MTMR12: variants seen among roughly 807,000 people sequenced by gnomAD.
The protein encoded by MTMR12 is myotubularin-related protein 12.
Under a neutral mutation model 96.7 loss-of-function variants are expected in MTMR12, and 33 were observed. That is an observed-to-expected ratio of 0.34 (90% CI 0.26 to 0.46). The LOEUF (loss-of-function observed/expected upper bound fraction) is 0.46. Ranked by LOEUF, MTMR12 falls within the 20% of genes least tolerant of loss-of-function variation. MTMR12 has a pLI of 1.00. For synonymous variants in MTMR12, 298 were observed against 327.2 expected, an observed-to-expected ratio of 0.91 and a Z score of 0.96; for missense variants, 721 against 896.1, an observed-to-expected ratio of 0.80 and a Z score of 2.49.
chr5:32,294,979 C>A lies in MTMR12; in HGVS notation c.81+17779G>T, dbSNP rs531951612. Among the ~76,000 whole-genome samples, 20 of 152,362 alleles carry A rather than the reference C, an allele frequency of 1.3e-4. No individual in the cohort carries two copies. In the South Asian group the frequency reaches 3.9e-3, roughly 30 times the overall value. On this transcript the variant is annotated intron_variant, in intron 1 of 15. Coordinates refer to ENST00000382142, the MANE Select transcript of MTMR12 (RefSeq NM_001040446.3). Reference sequence around the variant, plus strand: ...TCTGGTCTCACTAATAGAGTAGGGGCATAGCCAAGGTCAGACTTTTAATTT... The same window carrying A: ...TCTGGTCTCACTAATAGAGTAGGGGAATAGCCAAGGTCAGACTTTTAATTT...
chr5:32,257,009 C>T (rs976246674), intron 7 of MTMR12, among the ~76,000 whole-genome samples: 1 of 152,164 alleles, frequency 6.6e-6, no homozygotes, highest in Non-Finnish European at 1.5e-5. Context: ...CACGGCTGGA[C>T]GCAGTGGCTC....
chr5:32,278,853 G>A (rs552409450), intron 1 of MTMR12, among the ~76,000 whole-genome samples: 55 of 152,016 alleles, frequency 3.6e-4, no homozygotes, highest in African/African-American at 9.9e-4. Context: ...CGAGGTGGAC[G>A]GATCACCTGA....
At chr5:32,281,020 G>T (rs1238183645) in intron 1 of MTMR12, among the ~76,000 whole-genome samples, 1 of 151,770 alleles carries the variant, frequency 6.6e-6, no homozygotes, top group Admixed American at 6.6e-5. Flanking sequence ...GGCTGAGGTG[G>T]GTGGATCACT....
At chr5:32,308,422 A>C (rs938635957) in intron 1 of MTMR12, among the ~76,000 whole-genome samples, 1 of 152,140 alleles carries the variant, frequency 6.6e-6, no homozygotes, top group Non-Finnish European at 1.5e-5. Context: ...AGAACAGTTC[A>C]GAAGAGTGTC....
intron 1 of MTMR12, among the ~76,000 whole-genome samples, chr5:32,294,726 A>G (rs1750861856): frequency 6.6e-6 from 1 of 152,204 alleles, no homozygotes; most frequent in Admixed American, 6.5e-5. Flanking sequence ...CTAGCATATA[A>G]TTCCTGACAA....
At chr5:32,232,226 T>C (rs919333295) in intron 15 of MTMR12, among the ~76,000 whole-genome samples, 3 of 152,184 alleles carry the variant, frequency 2.0e-5, no homozygotes, top group Non-Finnish European at 4.4e-5. Context: ...CCCTGCTTCC[T>C]CAGAGTCTCT....
intron 7 of MTMR12, among the ~76,000 whole-genome samples, chr5:32,261,538 T>G (rs1478138937): frequency 6.6e-6 from 1 of 152,102 alleles, no homozygotes; most frequent in East Asian, 1.9e-4. Context: ...CACCATCACC[T>G]CCAGCACTCC....
Position 32,285,079 on chromosome 5 carries a change from C to T in MTMR12, c.82-8337G>A, listed in dbSNP as rs141572377. On this transcript the variant is annotated intron_variant, in intron 1 of 15. Transcript: ENST00000382142. ...ATTCAATTAGAACAGAAGCATGGGC[C>T]AGGCACAGTGGCTCACGCCTGTAAT... is the stretch of plus-strand genomic sequence containing the variant. 1.8e-3 allele frequency among the ~76,000 whole-genome samples: 281 copies of T among 152,242 alleles called. 1 individual carries two copies. Among genetic ancestry groups the T allele is most frequent in the African/African-American group, 6.5e-3 (269 of 41,548 alleles).
intron 1 of MTMR12, among the ~76,000 whole-genome samples, chr5:32,286,872 C>A (rs116788904): frequency 2.3e-3 from 347 of 152,294 alleles, no homozygotes; most frequent in African/African-American, 8.1e-3. Context: ...AGTTCACATG[C>A]TCTTTTATTC....
chr5:32,290,101 G>T (rs760605655), intron 1 of MTMR12, among the ~76,000 whole-genome samples: 1 of 152,168 alleles, frequency 6.6e-6, no homozygotes, highest in East Asian at 1.9e-4. Context: ...CCTGGTACCT[G>T]GTATACAGCC....
At chr5:32,279,727 G>A (rs1019568751) in intron 1 of MTMR12, among the ~76,000 whole-genome samples, 5 of 152,222 alleles carry the variant, frequency 3.3e-5, no homozygotes, top group Non-Finnish European at 7.3e-5. Flanking sequence ...CTGGCAGGGG[G>A]GCAGGGGATG....
intron 15 of MTMR12, among the ~76,000 whole-genome samples, chr5:32,231,247 A>C (rs1747982808): frequency 1.3e-5 from 2 of 152,032 alleles, no homozygotes; most frequent in South Asian, 4.2e-4. Context: ...AATAGAAAAA[A>C]TTAGCAGGGT....
At chr5:32,247,707 T>C in intron 10 of MTMR12, 1 of 976,456 alleles carries the variant, frequency 1.0e-6, no homozygotes, top group Non-Finnish European at 1.2e-6. Flanking sequence ...CAAAAACTTT[T>C]AAAGGAAGAA....
intron 3 of MTMR12, among the ~76,000 whole-genome samples, chr5:32,273,326 C>G (rs1184618052): frequency 6.6e-6 from 1 of 152,084 alleles, no homozygotes; most frequent in Non-Finnish European, 1.5e-5. Flanking sequence ...ACTGGAGCCA[C>G]GACTACGCCA....
chr5:32,290,390 A>C (rs946419656), intron 1 of MTMR12, among the ~76,000 whole-genome samples: 1 of 152,194 alleles, frequency 6.6e-6, no homozygotes, highest in African/African-American at 2.4e-5. Context: ...GATGGGAACT[A>C]AATCCAACTA....
chr5:32,312,851 G>T lies in MTMR12; in HGVS notation c.-13C>A. 1.3e-6 allele frequency: 2 copies of T among 1,520,170 alleles called. No individual in the cohort carries two copies. Among genetic ancestry groups the T allele is most frequent in the Non-Finnish European group, 8.8e-7 (1 of 1,138,600 alleles). The allele number at this position is 1,520,170 out of a possible 1,614,324, so 94.2% of individuals were successfully genotyped here. ...CTTTCCCCAGCATACCGCCGCCCTG[G>T]GAAGCAGCGACGCGCGGACGCAGAG... is the stretch of plus-strand genomic sequence containing the variant. On this transcript the variant is annotated 5_prime_UTR_variant, in exon 1 of 16. Transcript: ENST00000382142. The surrounding 1 kb of genome is among the most constrained non-coding windows in gnomAD (Gnocchi z 5.0).
At chr5:32,300,305 C>G (rs574402230) in intron 1 of MTMR12, among the ~76,000 whole-genome samples, 3 of 152,108 alleles carry the variant, frequency 2.0e-5, no homozygotes, top group Non-Finnish European at 4.4e-5. Flanking sequence ...TCTAAATCAG[C>G]CTGCAGGGAA....
At chr5:32,292,906 T>C (rs765748656) in intron 1 of MTMR12, among the ~76,000 whole-genome samples, 6 of 151,124 alleles carry the variant, frequency 4.0e-5, no homozygotes, top group African/African-American at 2.4e-5. Context: ...ATTTCCTCCT[T>C]CTTTTGTTAA....
Position 32,268,712 on chromosome 5 carries a change from T to G in MTMR12, c.572A>C (p.Gln191Pro), listed in dbSNP as rs781202117. 4.3e-6 allele frequency: 7 copies of G among 1,613,320 alleles called. No homozygotes were observed. Among genetic ancestry groups the G allele is most frequent in the Non-Finnish European group, 5.9e-6 (7 of 1,179,380 alleles). ...CAGAAGATATTTACCTGTATTGTTT[T>G]GTGCAGCAGTCGCATAGGAAAACAG... ...LFLFSYATAA[Q>P]NNTVTDPKNH... is the part of the protein sequence containing the mutation. The change falls in exon 6 of 16, where the codon CAA becomes CCA. Residue 191 changes from glutamine to proline, a missense_variant. By Grantham distance (76) the Gln-to-Pro change is moderately conservative. Transcript: ENST00000382142.
Sources: gnomAD v4.1 joint callset for allele counts (sites outside exome capture counted in the v4.1 genomes callset) on GRCh38, gnomAD v4.1.1 for gene constraint, Gnocchi (gnomAD v3.1) non-coding constraint, MANE v1.5 for transcripts, NCBI Gene and HGNC (gene_info 2026-07-23, HGNC 2026-07-21) for gene names.